POU2F1: variants seen among roughly 807,000 people sequenced by gnomAD.
The protein encoded by POU2F1 is POU class 2 homeobox 1.
A neutral mutation model predicts 84.9 loss-of-function variants in POU2F1; 16 were observed. The ratio of observed to expected loss-of-function variants is 0.19; its 90% CI spans 0.13 to 0.29. The LOEUF (loss-of-function observed/expected upper bound fraction) is 0.29, where lower values mean the gene tolerates loss of function less well. POU2F1 is among the 10% of genes least tolerant of loss of function. The pLI is 1.00. For missense variants in POU2F1, 738 were observed against 942.6 expected (o/e 0.78, Z 2.84); for synonymous variants, 368 against 368.3 (o/e 1.00, Z 0.01).
intron 2 of POU2F1, among the ~76,000 whole-genome samples, 178 bp from the exon 3 acceptor site, chr1:167,365,289 C>G (rs540625260): frequency 1.3e-4 from 20 of 152,182 alleles, no homozygotes; most frequent in Non-Finnish European, 2.2e-4. Context: ...GTCATGCAGT[C>G]CTGCTTTTAG....
At chr1:167,356,675 G>A (rs79942528) in intron 2 of POU2F1, among the ~76,000 whole-genome samples, 2,215 of 152,298 alleles carry the variant, frequency 0.015, 17 homozygotes, top group Non-Finnish European at 0.023. Context: ...ACCAAGGCAA[G>A]TTTCAGAGCA....
rs1425012054 is a variant in POU2F1, at chr1:167,384,001, A to G, written c.813+50A>G. 7.6e-6 allele frequency: 11 copies of G among 1,450,540 alleles called. No individual in the cohort carries two copies. In the African/African-American group the frequency reaches 1.5e-4, roughly 20 times the overall value. 89.9% of individuals were successfully genotyped at this position (1,450,540 alleles called of 1,614,324 possible). A position where few individuals can be genotyped will look rare whatever the true frequency, so the allele number is the denominator to read the frequency against. On this transcript the variant is annotated intron_variant, in intron 8 of 15. Transcript: ENST00000367866. Reference sequence around the variant, plus strand: ...CTTTCTCTTATCATATTGTTTGGGGAGACTTTTGGACTTTATTTAATTTTT... The same window carrying G: ...CTTTCTCTTATCATATTGTTTGGGGGGACTTTTGGACTTTATTTAATTTTT...
At chr1:167,256,937 T>A (rs967622283) in intron 1 of POU2F1, among the ~76,000 whole-genome samples, 1 of 152,164 alleles carries the variant, frequency 6.6e-6, no homozygotes, top group Non-Finnish European at 1.5e-5. Context: ...TAAAAACCTG[T>A]CCGAATGTGA....
intron 1 of POU2F1, among the ~76,000 whole-genome samples, chr1:167,271,224 A>T (rs1652348153): frequency 6.6e-6 from 1 of 152,228 alleles, no homozygotes; most frequent in African/African-American, 2.4e-5. Flanking sequence ...AAAAGAATAA[A>T]AATTAAAAAG....
In POU2F1 at chr1:167,412,238, T is replaced by A. The variant is rs1165601537; in HGVS notation, c.1835T>A (p.Leu612His). 3 of 1,602,528 alleles carry A rather than the reference T, an allele frequency of 1.9e-6. No homozygotes were observed. The highest frequency in any genetic ancestry group is 1.1e-5 in the South Asian group (1 of 89,532). ...GAAQLPANAS[L>H]AAMAAAAGLN... ...GCACAGTTGCCAGCAAATGCCAGTC[T>A]TGCTGCCATGGCAGCTGCTGCAGGA... is the stretch of plus-strand genomic sequence containing the variant. Residue 612 changes from leucine to histidine, a missense_variant, in exon 14 of 16, where the codon CTT becomes CAT. Physicochemically the swap from Leu to His is moderately conservative, Grantham distance 99. Around this residue, in one of 4 missense-constraint regions of POU2F1, gnomAD observed 319 missense variants for 386.0 expected, o/e 0.83. Coordinates refer to ENST00000367866, the MANE Select transcript of POU2F1 (RefSeq NM_002697.4).
chr1:167,249,753 C>T (rs914249401), intron 1 of POU2F1, among the ~76,000 whole-genome samples: 1 of 152,148 alleles, frequency 6.6e-6, no homozygotes. Flanking sequence ...AGAGGAGGAA[C>T]TGTCCTGAGT....
In POU2F1 at chr1:167,338,923, A is replaced by G. The variant is rs896406971; in HGVS notation, c.127+6388A>G. ...GTTCCGTTTTTCAATTCTTTGGTTT[A>G]TATACCTAGGAGTAGAATTGCTGGG... On this transcript the variant is annotated intron_variant, in intron 2 of 15. Coordinates refer to ENST00000367866, the MANE Select transcript of POU2F1 (RefSeq NM_002697.4). Among the ~76,000 whole-genome samples the G allele has an allele frequency of 2.6e-5, 4 of 152,168 alleles. No homozygotes were observed. In the East Asian group the frequency reaches 5.8e-4, roughly 22 times the overall value.
chr1:167,389,619 C>T lies in POU2F1; in HGVS notation c.845C>T (p.Thr282Ile), dbSNP rs1483886814. The change falls in exon 9 of 16, where the codon ACC becomes ATC. Residue 282 changes from threonine to isoleucine, a missense_variant. Coordinates refer to ENST00000367866, the MANE Select transcript of POU2F1 (RefSeq NM_002697.4). Reference protein sequence around the residue: ...PATPTRTIAATPIQTLPQSQS... With the variant: ...PATPTRTIAAIPIQTLPQSQS... ...ACCCCAACACGCACAATAGCAGCAA[C>T]CCCAATTCAGACACTTCCACAGAGC... is the stretch of plus-strand genomic sequence containing the variant. The T allele has an allele frequency of 6.2e-7, 1 of 1,614,190 alleles. No individual in the cohort carries two copies. The highest frequency in any genetic ancestry group is 8.5e-7 in the Non-Finnish European group (1 of 1,180,044).
intron 1 of POU2F1, among the ~76,000 whole-genome samples, chr1:167,221,313 CGCGGCGGG>C (rs903548008): frequency 2.0e-5 from 3 of 150,818 alleles, no homozygotes; most frequent in South Asian, 2.1e-4. Flanking sequence ...CGAGCGGGTC[CGCGGCGGG>C]GCGGCGGGGC....
chr1:167,408,820 C>T (rs1350571690), intron 13 of POU2F1, among the ~76,000 whole-genome samples: 1 of 152,192 alleles, frequency 6.6e-6, no homozygotes, highest in Non-Finnish European at 1.5e-5. Context: ...GATGAATTTT[C>T]ATGTGCTTAC....
Position 167,227,906 on chromosome 1 carries a change from C to T in POU2F1, c.61+6948C>T, listed in dbSNP as rs138323250. On this transcript the variant is annotated intron_variant, in intron 1 of 15. Transcript: ENST00000367866. ...GAAGGTAATTTAGATATAATCTTTG[C>T]TAAAGGTTTTGCTTCACAGATGAGG... is the stretch of plus-strand genomic sequence containing the variant. Among the ~76,000 whole-genome samples the T allele has an allele frequency of 1.9e-3, 294 of 152,274 alleles. 2 individuals are homozygous for T. Among genetic ancestry groups the T allele is most frequent in the East Asian group, 7.3e-3 (38 of 5,190 alleles).
chr1:167,413,533 T>A (rs1295275333), intron 15 of POU2F1, among the ~76,000 whole-genome samples: 1 of 152,194 alleles, frequency 6.6e-6, no homozygotes, highest in Non-Finnish European at 1.5e-5. Flanking sequence ...CTGAGAAAGC[T>A]GTGCATGGGA....
intron 2 of POU2F1, among the ~76,000 whole-genome samples, chr1:167,346,299 T>A (rs556082436): frequency 6.6e-6 from 1 of 152,322 alleles, no homozygotes; most frequent in African/African-American, 2.4e-5. Flanking sequence ...GATAATGCAT[T>A]CATCTCTAAG....
At chr1:167,230,871 G>A (rs777139837) in intron 1 of POU2F1, among the ~76,000 whole-genome samples, 1 of 152,152 alleles carries the variant, frequency 6.6e-6, no homozygotes, top group Non-Finnish European at 1.5e-5. Flanking sequence ...CTCAATCTTT[G>A]TCACCATGGG....
intron 2 of POU2F1, among the ~76,000 whole-genome samples, chr1:167,361,486 A>G (rs1659348553): frequency 6.6e-6 from 1 of 152,088 alleles, no homozygotes. Context: ...ACTGATTTGT[A>G]TATGTTGAAC....
chr1:167,357,367 CACCCCCCCCCCA>C (rs1557922190), intron 2 of POU2F1: 84 of 18,438 alleles, frequency 4.6e-3, no homozygotes, highest in Non-Finnish European at 6.4e-3. Flanking sequence ...CCTCCCCCCC[CACCCCCCCCCCA>C]CCCCCCCCCG....
At chr1:167,298,572 C>T (rs1654444535) in intron 1 of POU2F1, among the ~76,000 whole-genome samples, 1 of 152,078 alleles carries the variant, frequency 6.6e-6, no homozygotes, top group Admixed American at 6.5e-5. Flanking sequence ...ACAAACACTT[C>T]CCTTTGAATT....
intron 1 of POU2F1, among the ~76,000 whole-genome samples, chr1:167,255,115 T>C (rs942295618): frequency 6.6e-6 from 1 of 152,212 alleles, no homozygotes; most frequent in African/African-American, 2.4e-5. Context: ...CAAATGACTC[T>C]AATGCACGTT....
At chr1:167,360,774 T>C (rs1290061958) in intron 2 of POU2F1, among the ~76,000 whole-genome samples, 1 of 152,180 alleles carries the variant, frequency 6.6e-6, no homozygotes, top group Non-Finnish European at 1.5e-5. Flanking sequence ...AATCTGTAGA[T>C]TGCTTTGGGC....
Sources: gnomAD v4.1 joint callset for allele counts (sites outside exome capture counted in the v4.1 genomes callset) on GRCh38, gnomAD v4.1.1 for gene constraint, gnomAD v4.1.1 regional missense constraint, MANE v1.5 for transcripts, NCBI Gene and HGNC (gene_info 2026-07-23, HGNC 2026-07-21) for gene names.